The following PTBP3 variants were observed in gnomAD, a reference collection of about 807,000 sequenced individuals.
PTBP3 encodes the protein polypyrimidine tract-binding protein 3.
Under a neutral mutation model 58.7 loss-of-function variants are expected in PTBP3, and 20 were observed. The observed-to-expected ratio is 0.34, with a 90% CI of 0.24 to 0.50. The LOEUF (loss-of-function observed/expected upper bound fraction) is 0.50. PTBP3 is among the 20% of genes least tolerant of loss of function. The pLI, the probability that PTBP3 is intolerant of heterozygous loss-of-function variation, is 0.98. For missense variants in PTBP3, 509 were observed against 637.2 expected, an observed-to-expected ratio of 0.80 and a Z score of 2.17; for synonymous variants, 185 against 219.8, an observed-to-expected ratio of 0.84 and a Z score of 1.40.
chr9:112,288,731 T>C (rs143393825), intron 2 of PTBP3, among the ~76,000 whole-genome samples: 27 of 152,364 alleles, frequency 1.8e-4, no homozygotes, highest in Admixed American at 6.5e-4. Context: ...TGGATTAGCA[T>C]TAAGACTGCA....
At chr9:112,289,183 T>C (rs1018827086) in intron 2 of PTBP3, among the ~76,000 whole-genome samples, 1 of 152,194 alleles carries the variant, frequency 6.6e-6, no homozygotes, top group African/African-American at 2.4e-5. Flanking sequence ...TTCTTTTCTT[T>C]TCTCTTTTTC....
intron 1 of PTBP3, among the ~76,000 whole-genome samples, chr9:112,312,552 A>G (rs1018255609): frequency 1.1e-4 from 15 of 133,294 alleles, no homozygotes; most frequent in African/African-American, 4.4e-4. Context: ...TAGAAAGACT[A>G]TATATGGAAG....
At chr9:112,299,961 T>A (rs1828846086) in intron 1 of PTBP3, among the ~76,000 whole-genome samples, 1 of 152,234 alleles carries the variant, frequency 6.6e-6, no homozygotes, top group Non-Finnish European at 1.5e-5. Flanking sequence ...AATGTTTTTT[T>A]AAACAATTTA....
chr9:112,255,421 A>G (rs1836305495), intron 5 of PTBP3, among the ~76,000 whole-genome samples: 1 of 152,210 alleles, frequency 6.6e-6, no homozygotes, highest in Admixed American at 6.5e-5. Context: ...ACATGAATCA[A>G]TGTATGTATT....
intron 2 of PTBP3, among the ~76,000 whole-genome samples, chr9:112,294,110 T>C (rs1281224031): frequency 6.6e-6 from 1 of 152,054 alleles, no homozygotes. Context: ...AGACCAAATC[T>C]CACAATTAAC....
intron 7 of PTBP3, chr9:112,242,800 C>T (rs558467232): frequency 6.6e-6 from 1 of 152,380 alleles, no homozygotes; most frequent in South Asian, 2.1e-4. Flanking sequence ...ATCCTTCAAC[C>T]TCGGCCTCCT....
intron 2 of PTBP3, among the ~76,000 whole-genome samples, chr9:112,282,216 C>T (rs1292957167): frequency 2.0e-5 from 3 of 152,244 alleles, no homozygotes; most frequent in South Asian, 2.1e-4. Flanking sequence ...AATAATAATA[C>T]CCTTTTAATG....
the PTBP3 span, among the ~76,000 whole-genome samples, chr9:112,341,030 T>A: frequency 1.3e-5 from 2 of 152,154 alleles, no homozygotes. Context: ...TTTTTACATA[T>A]TATATTCTTC....
intron 3 of PTBP3, chr9:112,272,514 T>C (rs552811857): frequency 6.6e-6 from 1 of 152,314 alleles, no homozygotes. Flanking sequence ...AATTCAATTC[T>C]TTTTTTACTA....
the PTBP3 span, among the ~76,000 whole-genome samples, chr9:112,366,549 G>C: frequency 6.6e-6 from 1 of 152,106 alleles, no homozygotes; most frequent in Non-Finnish European, 1.5e-5. Context: ...CCCAATCCTC[G>C]GAAGCTTCCA....
At chr9:112,268,732 A>T (rs10981336) in intron 3 of PTBP3, among the ~76,000 whole-genome samples, 70,592 of 148,600 alleles carry the variant, frequency 0.48, 17,588 homozygotes, top group African/African-American at 0.58. Flanking sequence ...AAAAAAAAAA[A>T]AAAGGATTTA....
At chr9:112,231,058 C>G (rs1355922168) in intron 10 of PTBP3, among the ~76,000 whole-genome samples, 1 of 142,528 alleles carries the variant, frequency 7.0e-6, no homozygotes, top group African/African-American at 3.0e-5. Flanking sequence ...CATCTCTCCC[C>G]TCTCCCCTCC....
chr9:112,269,267 G>C (rs1589845901), intron 3 of PTBP3, among the ~76,000 whole-genome samples: 1 of 151,142 alleles, frequency 6.6e-6, no homozygotes, highest in Non-Finnish European at 1.5e-5. Flanking sequence ...ATTTAATGGG[G>C]GCAATTAGGG....
chr9:112,279,455 C>T (rs895976407), intron 2 of PTBP3, among the ~76,000 whole-genome samples: 2 of 152,026 alleles, frequency 1.3e-5, no homozygotes, highest in Admixed American at 6.6e-5. Flanking sequence ...AAACTACTTG[C>T]GAAACATGGA....
intron 1 of PTBP3, among the ~76,000 whole-genome samples, chr9:112,311,403 T>G (rs1829467202): frequency 6.6e-6 from 1 of 152,114 alleles, no homozygotes; most frequent in Non-Finnish European, 1.5e-5. Flanking sequence ...TAGAGATGAC[T>G]TAAAGTATTC....
intron 7 of PTBP3, among the ~76,000 whole-genome samples, chr9:112,238,679 A>C (rs962951951): frequency 2.1e-5 from 3 of 146,118 alleles, no homozygotes; most frequent in Non-Finnish European, 4.5e-5. Context: ...GAACAGCCAG[A>C]AAAAACAGAG....
chr9:112,327,754 A>G (rs2132476737), intron 1 of PTBP3, among the ~76,000 whole-genome samples: 1 of 152,198 alleles, frequency 6.6e-6, no homozygotes, highest in Non-Finnish European at 1.5e-5. Context: ...TCCAATTTAA[A>G]AAATGAAATG....
At chr9:112,301,081 G>A (rs1023351011) in intron 1 of PTBP3, among the ~76,000 whole-genome samples, 1 of 152,170 alleles carries the variant, frequency 6.6e-6, no homozygotes, top group African/African-American at 2.4e-5. Context: ...AGACAACATG[G>A]AGAATGGAAG....
chr9:112,320,661 T>C (rs908749211), intron 1 of PTBP3, among the ~76,000 whole-genome samples: 4 of 152,154 alleles, frequency 2.6e-5, no homozygotes, highest in Non-Finnish European at 5.9e-5. Flanking sequence ...CCCACCGTCA[T>C]CAAGACAGTG....
Sources: gnomAD v4.1 joint callset for allele counts (sites outside exome capture counted in the v4.1 genomes callset) on GRCh38, gnomAD v4.1.1 for gene constraint, MANE v1.5 for transcripts, NCBI Gene and HGNC (gene_info 2026-07-23, HGNC 2026-07-21) for gene names.